Variants in PALM2AKAP2 observed in about 807,000 individuals in gnomAD.
The protein encoded by PALM2AKAP2 is PALM2 and AKAP2 fusion.
A neutral mutation model predicts 71.5 loss-of-function variants in PALM2AKAP2; 37 were observed. The observed-to-expected ratio is 0.52, with a 90% CI of 0.40 to 0.68. PALM2AKAP2 has a LOEUF of 0.68. PALM2AKAP2 is among the 30% of genes least tolerant of loss of function. The pLI, the probability that PALM2AKAP2 is intolerant of heterozygous loss-of-function variation, is 0.00. For synonymous variants in PALM2AKAP2, 468 were observed against 478.8 expected (o/e 0.98, Z 0.29); for missense variants, 1,224 against 1,191.8 (o/e 1.03, Z -0.40).
At chr9:110,045,759 G>T (rs184814266), upstream of PALM2AKAP2, among the ~76,000 whole-genome samples, 1 of 152,072 alleles carries the variant, frequency 6.6e-6, no homozygotes, top group East Asian at 1.9e-4. Flanking sequence ...TAGTTGAGAT[G>T]GGGTTTCACC....
intron 1 of PALM2AKAP2, among the ~76,000 whole-genome samples, chr9:110,088,676 A>G (rs1834627608): frequency 6.9e-6 from 1 of 145,300 alleles, no homozygotes; most frequent in South Asian, 2.2e-4. Context: ...ACTGGCCACA[A>G]GTAGCTATTA....
At chr9:109,740,722 T>C (rs1257858331) in intron 1 of PALM2AKAP2, among the ~76,000 whole-genome samples, 1 of 152,138 alleles carries the variant, frequency 6.6e-6, no homozygotes, top group East Asian at 1.9e-4. Context: ...GGTGCGATCT[T>C]GGCTCACTGC....
At chr9:109,981,115 A>G (rs957231856) in intron 6 of PALM2AKAP2, among the ~76,000 whole-genome samples, 2 of 152,198 alleles carry the variant, frequency 1.3e-5, no homozygotes, top group Non-Finnish European at 2.9e-5. Context: ...TATTATTCCT[A>G]ATGAGGAAAT....
intron 1 of PALM2AKAP2, among the ~76,000 whole-genome samples, chr9:110,078,412 A>T (rs2118669119): frequency 6.6e-6 from 1 of 152,182 alleles, no homozygotes; most frequent in East Asian, 1.9e-4. Flanking sequence ...CCTATGGTGA[A>T]TTTTTCTGAA....
chr9:109,999,121 C>T (rs1564252360), intron 6 of PALM2AKAP2, among the ~76,000 whole-genome samples: 1 of 151,944 alleles, frequency 6.6e-6, no homozygotes, highest in Non-Finnish European at 1.5e-5. Context: ...GGTGCATCAC[C>T]TGAGATCAGG....
At chr9:109,666,740 C>G (rs536194892) in intron 1 of PALM2AKAP2, among the ~76,000 whole-genome samples, 12 of 152,132 alleles carry the variant, frequency 7.9e-5, no homozygotes, top group Non-Finnish European at 1.5e-4. Flanking sequence ...AGAAGGCTCC[C>G]AATGAATAAC....
Position 109,858,877 on chromosome 9 carries a change from T to C in PALM2AKAP2, c.46-8614T>C, listed in dbSNP as rs117248286. Reference sequence around the variant, plus strand: ...AGCAAAGAATTTGATGTTATGACCATCAAAGCAAAAGTATAGCTCTATGGT... The same window carrying C: ...AGCAAAGAATTTGATGTTATGACCACCAAAGCAAAAGTATAGCTCTATGGT... On this transcript the variant is annotated intron_variant, in intron 1 of 9. Transcript: ENST00000302798. Among the ~76,000 whole-genome samples, 469 of 152,250 alleles carry C rather than the reference T, an allele frequency of 3.1e-3. 2 individuals are homozygous for C. Among genetic ancestry groups the C allele is most frequent in the Non-Finnish European group, 4.7e-3 (319 of 68,014 alleles).
intron 2 of PALM2AKAP2, among the ~76,000 whole-genome samples, chr9:110,139,029 T>C (rs1427787426): frequency 6.6e-6 from 1 of 152,196 alleles, no homozygotes; most frequent in Non-Finnish European, 1.5e-5. Flanking sequence ...GGCATGGCAT[T>C]GCAGACTGGT....
chr9:109,862,422 A>G (rs931829540), intron 1 of PALM2AKAP2, among the ~76,000 whole-genome samples: 5 of 152,156 alleles, frequency 3.3e-5, no homozygotes, highest in African/African-American at 1.2e-4. Context: ...TTCAATGTAG[A>G]TGCATTTCTT....
chr9:109,667,086 C>G (rs1355447605), intron 1 of PALM2AKAP2, among the ~76,000 whole-genome samples: 1 of 152,150 alleles, frequency 6.6e-6, no homozygotes, highest in Non-Finnish European at 1.5e-5. Flanking sequence ...CAAGGACCCA[C>G]AGCTGGAATG....
At chr9:110,136,239 T>G in exon 2 of PALM2AKAP2, 1 of 1,614,138 alleles carries the variant, frequency 6.2e-7, no homozygotes, top group East Asian at 2.2e-5. Context: ...CACAAAAACA[T>G]GGAAATTGAG....
chr9:109,706,433 C>T (rs1229894799), intron 1 of PALM2AKAP2, among the ~76,000 whole-genome samples: 1 of 151,896 alleles, frequency 6.6e-6, no homozygotes, highest in Non-Finnish European at 1.5e-5. Context: ...GTAGAGAAAC[C>T]CAAATACTCA....
At chr9:109,746,042 G>A (rs1828795200) in intron 1 of PALM2AKAP2, among the ~76,000 whole-genome samples, 1 of 152,154 alleles carries the variant, frequency 6.6e-6, no homozygotes, top group Non-Finnish European at 1.5e-5. Flanking sequence ...CTTTGCCAGG[G>A]GTGTGCTGCT....
intron 1 of PALM2AKAP2, among the ~76,000 whole-genome samples, chr9:109,761,835 C>T (rs988970267): frequency 2.0e-5 from 3 of 152,098 alleles, no homozygotes; most frequent in Admixed American, 6.5e-5. Flanking sequence ...AATAAACATA[C>T]ATGTGCATGT....
intron 1 of PALM2AKAP2, among the ~76,000 whole-genome samples, chr9:109,754,315 C>T (rs1828926615): frequency 6.6e-6 from 1 of 152,124 alleles, no homozygotes; most frequent in Non-Finnish European, 1.5e-5. Context: ...TACTGTGAAT[C>T]CTATAACAGA....
intron 3 of PALM2AKAP2, among the ~76,000 whole-genome samples, chr9:110,159,831 T>C (rs1162870695): frequency 2.6e-5 from 4 of 152,204 alleles, no homozygotes; most frequent in Admixed American, 1.3e-4. Flanking sequence ...TAAAAAGTCA[T>C]ATGCAGAGAG....
At chr9:109,658,474 A>G (rs1827341437) in intron 1 of PALM2AKAP2, among the ~76,000 whole-genome samples, 1 of 152,244 alleles carries the variant, frequency 6.6e-6, no homozygotes, top group Admixed American at 6.5e-5. Context: ...GAATTTAGGA[A>G]TAATGAGTTT....
intron 1 of PALM2AKAP2, among the ~76,000 whole-genome samples, chr9:109,765,772 T>A (rs918218941): frequency 1.3e-5 from 2 of 152,196 alleles, no homozygotes; most frequent in Non-Finnish European, 2.9e-5. Context: ...CTCAGGGTGT[T>A]GATAATCTGC....
At chr9:109,882,172 C>T (rs189489864) in intron 3 of PALM2AKAP2, among the ~76,000 whole-genome samples, 37 of 152,146 alleles carry the variant, frequency 2.4e-4, no homozygotes, top group African/African-American at 7.0e-4. Flanking sequence ...CATGAACCAC[C>T]GCACCTGGCA....
Sources: gnomAD v4.1 joint callset for allele counts (sites outside exome capture counted in the v4.1 genomes callset) on GRCh38, gnomAD v4.1.1 for gene constraint, MANE v1.5 for transcripts, NCBI Gene and HGNC (gene_info 2026-07-23, HGNC 2026-07-21) for gene names.